The following UNC5A variants were observed in gnomAD, a reference collection of about 807,000 sequenced individuals.
UNC5A encodes the protein unc-5 netrin receptor A.
In UNC5A, 20 loss-of-function variants were observed where a neutral mutation model predicts 87.4. That is an observed-to-expected ratio of 0.23 (90% CI 0.16 to 0.33). UNC5A has a LOEUF of 0.33. Among genes scored for constraint, UNC5A ranks in the 10% least tolerant of loss-of-function variants. The probability of loss-of-function intolerance (pLI) is 1.00; values close to 1 mark genes in which losing one functional copy is unlikely to be tolerated. For synonymous variants in UNC5A, 438 were observed against 482.3 expected (o/e 0.91, Z 1.20); for missense variants, 844 against 1,133.4 (o/e 0.74, Z 3.67).
intron 1 of UNC5A, among the ~76,000 whole-genome samples, chr5:176,842,933 G>A (rs1331407200): frequency 6.6e-6 from 1 of 152,108 alleles, no homozygotes; most frequent in Non-Finnish European, 1.5e-5. Flanking sequence ...AGGCCGAGGT[G>A]GGTGGATCAC....
rs376448640 is a variant in UNC5A at position 176,878,418 on chromosome 5, G to A, written c.2019+25G>A. ...GGTGAGGGCCAGGGCCGTGGCCAGC[G>A]CACAAGAGGCCTGGAGCTTGGGCTC... On this transcript the variant is annotated intron_variant, in intron 12 of 14. Coordinates refer to ENST00000329542, the MANE Select transcript of UNC5A (RefSeq NM_133369.3). The A allele has an allele frequency of 2.2e-5, 36 of 1,612,596 alleles. 1 individual carries two copies. Among genetic ancestry groups the A allele is most frequent in the Middle Eastern group, 1.6e-4 (1 of 6,082 alleles).
chr5:176,862,879 C>A (rs539128670), intron 2 of UNC5A, 34 bp downstream of exon 2: 2 of 1,608,160 alleles, frequency 1.2e-6, no homozygotes, highest in African/African-American at 1.3e-5. Flanking sequence ...AGGGCCAATC[C>A]GGGGGAGGCG....
intron 1 of UNC5A, among the ~76,000 whole-genome samples, chr5:176,819,510 G>A (rs946555628): frequency 3.3e-5 from 5 of 152,080 alleles, no homozygotes; most frequent in African/African-American, 1.2e-4. Flanking sequence ...TTGGGGATTC[G>A]GCACCACTCT....
chr5:176,858,683 G>A (rs1457630944), intron 1 of UNC5A, among the ~76,000 whole-genome samples: 1 of 144,652 alleles, frequency 6.9e-6, no homozygotes, highest in Non-Finnish European at 1.5e-5. Flanking sequence ...GTCTTTGATG[G>A]ACAAGTACAT....
intron 1 of UNC5A, among the ~76,000 whole-genome samples, chr5:176,816,489 C>T (rs1756591681): frequency 6.6e-6 from 1 of 152,254 alleles, no homozygotes; most frequent in Non-Finnish European, 1.5e-5. Context: ...GGGCCCAGAA[C>T]CCCAGGCACA....
chr5:176,843,392 C>T (rs75703274), intron 1 of UNC5A, among the ~76,000 whole-genome samples: 4,937 of 148,334 alleles, frequency 0.033, 126 homozygotes, highest in African/African-American at 0.079. Context: ...GATCCCATTG[C>T]GGTGACATTC....
intron 1 of UNC5A, among the ~76,000 whole-genome samples, chr5:176,835,272 AG>A (rs1757125250): frequency 6.6e-6 from 1 of 152,358 alleles, no homozygotes; most frequent in East Asian, 1.9e-4. Context: ...ACCTTCCTGC[AG>A]GCTCGGAAAG....
intron 1 of UNC5A, among the ~76,000 whole-genome samples, chr5:176,819,816 C>T (rs879342463): frequency 6.6e-6 from 1 of 152,254 alleles, no homozygotes; most frequent in Non-Finnish European, 1.5e-5. Flanking sequence ...AGCTTCTTGT[C>T]CACCAAGAAG....
chr5:176,843,148 T>A (rs1581256291), intron 1 of UNC5A, among the ~76,000 whole-genome samples: 1 of 132,326 alleles, frequency 7.6e-6, no homozygotes. Flanking sequence ...GCGGTAAGAG[T>A]GAAACTCTGT....
At position 176,841,468 on chromosome 5, in the gene UNC5A, C is replaced by T. The variant is rs1325299041; in HGVS notation, c.71-21156C>T. ...GGCTGCCTGGCTGTCCCATGTGCAG[C>T]AGTGTGGCTGTGGACATGTTATTGA... On this transcript the variant is annotated intron_variant, in intron 1 of 14. Transcript: ENST00000329542. The surrounding 1 kb of genome is among the most constrained non-coding windows in gnomAD (Gnocchi z 4.1). 2.0e-5 allele frequency among the ~76,000 whole-genome samples: 3 copies of T among 152,226 alleles called. No homozygotes were observed. Among genetic ancestry groups the T allele is most frequent in the African/African-American group, 4.8e-5 (2 of 41,460 alleles).
chr5:176,830,631 TGTGCGCTGGCGTGTGC>T (rs1756983044), intron 1 of UNC5A, among the ~76,000 whole-genome samples: 1 of 133,362 alleles, frequency 7.5e-6, no homozygotes, highest in Admixed American at 7.4e-5. Context: ...CGTGTGTGTG[TGTGCGCTGGCGTGTGC>T]ATTTGTGTGT....
chr5:176,854,207 G>A lies in UNC5A; in HGVS notation c.71-8417G>A, dbSNP rs371900847. On this transcript the variant is annotated intron_variant, in intron 1 of 14. Transcript: ENST00000329542. ...TGTGCCACCCAGATCTGTAGTCTCC[G>A]GTAGAGATTGAAACCCAGGTCATGG... Among the ~76,000 whole-genome samples the A allele has an allele frequency of 4.4e-4, 67 of 151,980 alleles. 1 individual carries two copies. Among genetic ancestry groups the A allele is most frequent in the East Asian group, 7.8e-4 (4 of 5,150 alleles).
intron 1 of UNC5A, among the ~76,000 whole-genome samples, chr5:176,834,498 G>T (rs1332674962): frequency 2.0e-5 from 3 of 152,194 alleles, no homozygotes; most frequent in Non-Finnish European, 4.4e-5. Flanking sequence ...GAAGAAAAAT[G>T]CCAGGAAAGG....
intron 9 of UNC5A, 41 bp downstream of exon 9, chr5:176,877,320 G>T: frequency 6.4e-7 from 1 of 1,553,208 alleles, no homozygotes; most frequent in Non-Finnish European, 8.8e-7. Flanking sequence ...GGAGGGACCT[G>T]CCTGCTGCCT....
intron 1 of UNC5A, among the ~76,000 whole-genome samples, chr5:176,858,535 G>A (rs1372049136): frequency 6.6e-6 from 1 of 152,048 alleles, no homozygotes; most frequent in Non-Finnish European, 1.5e-5. Context: ...ATGGGAGCCA[G>A]ATGAACAATG....
chr5:176,816,750 T>C (rs115884280), intron 1 of UNC5A, among the ~76,000 whole-genome samples: 2,124 of 152,344 alleles, frequency 0.014, 54 homozygotes, highest in African/African-American at 0.048. Context: ...TGCTGGCACA[T>C]AGTGGGCACT....
chr5:176,843,385 C>T (rs1757326649), intron 1 of UNC5A, among the ~76,000 whole-genome samples: 1 of 151,962 alleles, frequency 6.6e-6, no homozygotes, highest in African/African-American at 2.4e-5. Flanking sequence ...TCTGCATGAT[C>T]CCATTGCGGT....
At position 176,864,817 on chromosome 5, in the gene UNC5A, G is replaced by A. The variant is rs566613232; in HGVS notation, c.292+1972G>A. 144 of 456,048 alleles carry A rather than the reference G, an allele frequency of 3.2e-4. 2 individuals are homozygous for A. Among genetic ancestry groups the A allele is most frequent in the South Asian group, 2.2e-3 (140 of 64,560 alleles). The allele number at this position is 456,048 out of a possible 1,614,324, so 28.3% of individuals were successfully genotyped here. The stretch of plus-strand genomic sequence containing the variant: ...TCCAGCTCTACCTCCTACCCTCAGA[G>A]GGAGATAGAGAGGGTTGGCGGCCAA... On this transcript the variant is annotated intron_variant, in intron 2 of 14. Coordinates refer to ENST00000329542, the MANE Select transcript of UNC5A (RefSeq NM_133369.3).
chr5:176,845,138 C>T (rs1757373489), intron 1 of UNC5A, among the ~76,000 whole-genome samples: 1 of 152,324 alleles, frequency 6.6e-6, no homozygotes, highest in Non-Finnish European at 1.5e-5. Context: ...CATGCCCTGC[C>T]CCGGGGATGT....
Sources: gnomAD v4.1 joint callset for allele counts (sites outside exome capture counted in the v4.1 genomes callset) on GRCh38, gnomAD v4.1.1 for gene constraint, Gnocchi (gnomAD v3.1) non-coding constraint, MANE v1.5 for transcripts, NCBI Gene and HGNC (gene_info 2026-07-23, HGNC 2026-07-21) for gene names.